The following ASAH2 variants were observed in gnomAD, a reference collection of about 807,000 sequenced individuals.
ASAH2 encodes N-acylsphingosine amidohydrolase 2.
A neutral mutation model predicts 82.9 loss-of-function variants in ASAH2; 58 were observed. That is an observed-to-expected ratio of 0.70 (90% CI 0.57 to 0.87). ASAH2 has a LOEUF of 0.87. Ranked by LOEUF, ASAH2 falls within the 40% of genes least tolerant of loss-of-function variation. The probability of loss-of-function intolerance (pLI) is 0.00; values close to 1 mark genes in which losing one functional copy is unlikely to be tolerated. For missense variants in ASAH2, 779 were observed against 834.0 expected, an observed-to-expected ratio of 0.93 and a Z score of 0.81; for synonymous variants, 276 against 289.7, an observed-to-expected ratio of 0.95 and a Z score of 0.48.
In ASAH2 at chr10:50,218,376, C is replaced by T. The variant is rs1195595021; in HGVS notation, c.1014+134G>A. 9.4e-6 allele frequency: 12 copies of T among 1,274,274 alleles called. No homozygotes were observed. In the Admixed American group the frequency reaches 1.9e-4, roughly 20 times the overall value. 78.9% of individuals were successfully genotyped at this position (1,274,274 alleles called of 1,614,324 possible). ...CATTAGGGAGGATGGTAAATGCTGT[C>T]TATTCAAGCATACCAATATGTGAGA... On this transcript the variant is annotated intron_variant, in intron 8 of 20. Transcript: ENST00000682911.
At position 50,202,964 on chromosome 10, in the gene ASAH2, T is replaced by C. The variant is rs1026075170; in HGVS notation, c.1666-40A>G. 9 of 1,221,842 alleles carry C rather than the reference T, an allele frequency of 7.4e-6. No homozygotes were observed. The South Asian group carries it at 1.1e-4, about 15-fold the overall frequency. 75.7% of individuals were successfully genotyped at this position (1,221,842 alleles called of 1,614,324 possible). A position where few individuals can be genotyped will look rare whatever the true frequency, so the allele number is the denominator to read the frequency against. ...TAAAACCCAATAAAATTACTCTTCA[T>C]CTTTACGTATATTTTCATTCTGTTA... On this transcript the variant is annotated intron_variant, in intron 15 of 20. Coordinates refer to ENST00000682911, the MANE Select transcript of ASAH2 (RefSeq NM_019893.4).
chr10:50,211,002 A>G, intron 11 of ASAH2, 28 bp downstream of exon 11: 1 of 1,603,002 alleles, frequency 6.2e-7, no homozygotes, highest in Non-Finnish European at 8.5e-7. Context: ...CCCTTGGGGC[A>G]TAACCAGTGT....
At chr10:50,194,218 A>G (rs1844915151) in intron 18 of ASAH2, among the ~76,000 whole-genome samples, 1 of 151,436 alleles carries the variant, frequency 6.6e-6, no homozygotes, top group Non-Finnish European at 1.5e-5. Context: ...TAAAAAGAAA[A>G]CTAAAAATAT....
Position 50,248,508 on chromosome 10 carries a change from T to A in ASAH2, c.103A>T (p.Ser35Cys), listed in dbSNP as rs765653388. The change falls in exon 2 of 21, where the codon AGT (serine) becomes TGT (cysteine). Residue 35 changes from serine to cysteine, a missense_variant. Transcript: ENST00000682911. Reference sequence around the variant, plus strand: ...CCTTTGTGGTTTTCAATGGTCCCACTGGTGATAAACAAGAGGCTGAGAAGG... The same window carrying A: ...CCTTTGTGGTTTTCAATGGTCCCACAGGTGATAAACAAGAGGCTGAGAAGG... ...VALLSLLFIT[S>C]GTIENHKDLG... The A allele has an allele frequency of 1.2e-6, 2 of 1,613,790 alleles. No individual in the cohort carries two copies. The highest frequency in any genetic ancestry group is 1.7e-6 in the Non-Finnish European group (2 of 1,179,742).
chr10:50,251,306 C>A (rs980109236), intron 1 of ASAH2, among the ~76,000 whole-genome samples, 89 bp downstream of exon 1: 1 of 152,028 alleles, frequency 6.6e-6, no homozygotes, highest in Non-Finnish European at 1.5e-5. Flanking sequence ...TAAATTGAAG[C>A]TTTAGGGTCT....
intron 7 of ASAH2, among the ~76,000 whole-genome samples, chr10:50,224,177 T>C (rs1845819168): frequency 6.6e-6 from 1 of 152,148 alleles, no homozygotes; most frequent in African/African-American, 2.4e-5. Context: ...AACATAATGA[T>C]AATAGTAGTA....
At chr10:50,206,153 C>A in intron 12 of ASAH2, 56 bp from the exon 13 acceptor site, 2 of 1,205,260 alleles carry the variant, frequency 1.7e-6, no homozygotes, top group South Asian at 2.4e-5. Context: ...TCAAAAAAGT[C>A]ATTATCTTGA....
chr10:50,206,784 C>G (rs944983593), intron 12 of ASAH2, among the ~76,000 whole-genome samples: 1 of 151,766 alleles, frequency 6.6e-6, no homozygotes, highest in Non-Finnish European at 1.5e-5. Context: ...ATAACCCACT[C>G]TCAATCATGG....
At chr10:50,249,513 A>G (rs1052505564) in intron 1 of ASAH2, among the ~76,000 whole-genome samples, 1 of 152,226 alleles carries the variant, frequency 6.6e-6, no homozygotes, top group East Asian at 1.9e-4. Context: ...GTCAAATTTC[A>G]TTTCTGCCAC....
intron 7 of ASAH2, among the ~76,000 whole-genome samples, chr10:50,228,939 C>G (rs1372971670): frequency 6.6e-6 from 1 of 152,094 alleles, no homozygotes; most frequent in African/African-American, 2.4e-5. Flanking sequence ...AGAAGAAAAG[C>G]AAGACAAAGC....
At chr10:50,238,768 A>G (rs200934185) in intron 4 of ASAH2, among the ~76,000 whole-genome samples, 51,380 of 152,052 alleles carry the variant, frequency 0.34, 10,621 homozygotes, top group Non-Finnish European at 0.45. Context: ...GCATTTCTTC[A>G]TGTCTACTCA....
chr10:50,205,249 T>C (rs1390428847), intron 13 of ASAH2, among the ~76,000 whole-genome samples: 1 of 151,996 alleles, frequency 6.6e-6, no homozygotes, highest in African/African-American at 2.4e-5. Context: ...ACACAATAAA[T>C]AAGGAATTCC....
chr10:50,217,229 CTT>C (rs878958733), intron 8 of ASAH2, among the ~76,000 whole-genome samples: 6 of 136,856 alleles, frequency 4.4e-5, no homozygotes, highest in Non-Finnish European at 6.2e-5. Context: ...TGTTTTCTTT[CTT>C]TTTTTTTTTT....
In ASAH2 at chr10:50,202,811, G is replaced by C. The variant is rs1274353989; in HGVS notation, c.1761+18C>G. 6.5e-7 allele frequency: 1 copy of C among 1,530,258 alleles called. No individual in the cohort carries two copies. Among genetic ancestry groups the C allele is most frequent in the Non-Finnish European group, 9.1e-7 (1 of 1,104,400 alleles). The allele number at this position is 1,530,258 out of a possible 1,614,324, so 94.8% of individuals were successfully genotyped here. A position where few individuals can be genotyped will look rare whatever the true frequency, so the allele number is the denominator to read the frequency against. The stretch of plus-strand genomic sequence containing the variant: ...CTGGGGTATAATTCATTTAAATGAT[G>C]AAAACGTTTTGCTTTACCTGGTATT... On this transcript the variant is annotated intron_variant, in intron 16 of 20. Transcript: ENST00000682911.
chr10:50,208,111 C>A (rs1246204462), intron 12 of ASAH2, among the ~76,000 whole-genome samples: 1 of 151,850 alleles, frequency 6.6e-6, no homozygotes, highest in African/African-American at 2.4e-5. Context: ...AAACTAATAC[C>A]ATTTTATGAT....
chr10:50,220,720 G>A (rs1845720285), intron 7 of ASAH2, among the ~76,000 whole-genome samples: 1 of 151,002 alleles, frequency 6.6e-6, no homozygotes, highest in African/African-American at 2.4e-5. Context: ...GAAGCCCCAT[G>A]ACACACATTT....
At chr10:50,233,716 A>G (rs1160272270) in intron 6 of ASAH2, among the ~76,000 whole-genome samples, 44 of 152,208 alleles carry the variant, frequency 2.9e-4, no homozygotes, top group Non-Finnish European at 1.5e-4. Flanking sequence ...ATCTCCTTTG[A>G]AAGCTATTGA....
chr10:50,211,380 T>C (rs1456971068), intron 10 of ASAH2, among the ~76,000 whole-genome samples: 7 of 152,144 alleles, frequency 4.6e-5, no homozygotes, highest in Non-Finnish European at 8.8e-5. Flanking sequence ...AGTGAAATTA[T>C]AGTGATACAG....
chr10:50,222,434 A>G (rs886731837), intron 7 of ASAH2, among the ~76,000 whole-genome samples: 114 of 152,120 alleles, frequency 7.5e-4, no homozygotes, highest in African/African-American at 2.5e-3. Flanking sequence ...GTGCACCACC[A>G]TGCCAAGTTA....
Sources: allele counts gnomAD v4.1 joint callset (sites outside exome capture counted in the v4.1 genomes callset), GRCh38; gene constraint gnomAD v4.1.1; transcripts MANE v1.5; gene names NCBI Gene and HGNC (gene_info 2026-07-23, HGNC 2026-07-21).